Variants in CENPA observed in about 807,000 individuals in gnomAD.
CENPA encodes histone H3-like centromeric protein A.
CENPA carries 7 observed loss-of-function variants against 17.2 expected under a neutral mutation model. That is an observed-to-expected ratio of 0.41 (90% CI 0.23 to 0.76). The LOEUF (loss-of-function observed/expected upper bound fraction) is 0.76. Ranked by LOEUF, CENPA falls within the 30% of genes least tolerant of loss-of-function variation. CENPA has a pLI of 0.34. For missense variants in CENPA, 149 were observed against 193.1 expected (o/e 0.77, Z 1.35); for synonymous variants, 82 against 77.4 (o/e 1.06, Z -0.31).
At position 26,786,218 on chromosome 2, in the gene CENPA, C is replaced by T. The variant is rs1250183929; in HGVS notation, c.22C>T (p.Arg8Ter). ...TGTCATGGGCCCGCGCCGCCGGAGC[C>T]GAAAGCCCGAGGCCCCGAGGAGGCG... MGPRRRS[R>*]KPEAPRRRSP... Residue 8 changes from arginine to a stop codon, truncating the protein, a stop_gained, in exon 1 of 5, where the codon CGA becomes TGA. Coordinates refer to ENST00000335756, the MANE Select transcript of CENPA (RefSeq NM_001809.4). LOFTEE classifies it high-confidence loss of function. The T allele has an allele frequency of 1.4e-6, 2 of 1,438,862 alleles. No homozygotes were observed. Among genetic ancestry groups the T allele is most frequent in the Admixed American group, 2.8e-5 (1 of 36,204 alleles). The allele number at this position is 1,438,862 out of a possible 1,614,324, so 89.1% of individuals were successfully genotyped here.
chr2:26,792,166 G>A lies in CENPA; in HGVS notation c.136G>A (p.Gly46Ser). 23 of 1,614,040 alleles carry A rather than the reference G, an allele frequency of 1.4e-5. No individual in the cohort carries two copies. The highest frequency in any genetic ancestry group is 2.2e-5 in the South Asian group (2 of 91,038). Residue 46 changes from glycine (G) to serine (S), a missense_variant, in exon 2 of 5, where the codon GGT (glycine) becomes AGT (serine). By Grantham distance (56) the Gly-to-Ser change is moderately conservative. This residue lies in a region of CENPA where 95 missense variants were observed against 87.5 expected (regional missense o/e 1.09). Coordinates refer to ENST00000335756, the MANE Select transcript of CENPA (RefSeq NM_001809.4). ...CCATCAACACAGTCGGCGGAGACAA[G>A]GTTGGCTAAAGGAGATCCGAAAGCT... is the stretch of plus-strand genomic sequence containing the variant. Reference protein sequence around the residue: ...SSHQHSRRRQGWLKEIRKLQK... With the variant: ...SSHQHSRRRQSWLKEIRKLQK...
chr2:26,790,920 C>T (rs1038208784), intron 1 of CENPA, among the ~76,000 whole-genome samples: 3 of 152,312 alleles, frequency 2.0e-5, no homozygotes, highest in African/African-American at 4.8e-5. Context: ...TGCCTTCTAT[C>T]GAACTTGGTG....
chr2:26,787,672 T>G (rs1455986551), intron 1 of CENPA, among the ~76,000 whole-genome samples: 1 of 152,082 alleles, frequency 6.6e-6, no homozygotes. Flanking sequence ...TATGCCACCA[T>G]GCCGGCTAAT....
intron 1 of CENPA, among the ~76,000 whole-genome samples, chr2:26,790,339 T>C (rs1664592810): frequency 6.6e-6 from 1 of 152,152 alleles, no homozygotes; most frequent in Non-Finnish European, 1.5e-5. Context: ...TATATATTTT[T>C]GTTTGAGACA....
chr2:26,788,275 C>T (rs1205183823), intron 1 of CENPA, among the ~76,000 whole-genome samples: 1 of 152,164 alleles, frequency 6.6e-6, no homozygotes, highest in Admixed American at 6.5e-5. Context: ...CTTCACCCTC[C>T]TGAATAGCTA....
At chr2:26,789,444 TC>T (rs1375646591) in intron 1 of CENPA, among the ~76,000 whole-genome samples, 1 of 151,810 alleles carries the variant, frequency 6.6e-6, no homozygotes, top group Non-Finnish European at 1.5e-5. Flanking sequence ...TTCTACCCCC[TC>T]CCTAGGTGGT....
At chr2:26,793,070 A>C (rs1209856972) in intron 3 of CENPA, 75 bp from the exon 4 acceptor site, 1 of 1,572,408 alleles carries the variant, frequency 6.4e-7, no homozygotes, top group Admixed American at 1.7e-5. Flanking sequence ...TCAGAGATTA[A>C]GTTTAGCAGG....
At position 26,786,100 on chromosome 2, in the gene CENPA, G is replaced by T. The variant is rs1017991594; in HGVS notation, c.-97G>T. ...GCTCATGTGAGGCTCGCGGCACAGC[G>T]TTCTCTGGGCTCCCCAGAAGCCAGC... On this transcript the variant is annotated 5_prime_UTR_variant, in exon 1 of 5. Coordinates refer to ENST00000335756, the MANE Select transcript of CENPA (RefSeq NM_001809.4). 37 of 1,300,922 alleles carry T rather than the reference G, an allele frequency of 2.8e-5. No homozygotes were observed. Among genetic ancestry groups the T allele is most frequent in the Non-Finnish European group, 3.1e-5 (32 of 1,025,128 alleles). The allele number at this position is 1,300,922 out of a possible 1,614,324, so 80.6% of individuals were successfully genotyped here.
At chr2:26,791,212 C>G (rs1558298845) in intron 1 of CENPA, among the ~76,000 whole-genome samples, 1 of 152,074 alleles carries the variant, frequency 6.6e-6, no homozygotes, top group Non-Finnish European at 1.5e-5. Context: ...TTCTTGTTTT[C>G]TAATAGGAAC....
At chr2:26,789,667 G>GT (rs1210174242) in intron 1 of CENPA, among the ~76,000 whole-genome samples, 1 of 152,032 alleles carries the variant, frequency 6.6e-6, no homozygotes, top group African/African-American at 2.4e-5. Context: ...TTCAGTAAAT[G>GT]GCACAACTAC....
chr2:26,792,309 G>C (rs1354394394), intron 2 of CENPA, 69 bp downstream of exon 2: 1 of 1,209,546 alleles, frequency 8.3e-7, no homozygotes, highest in Admixed American at 2.1e-5. Flanking sequence ...CAGGTATTAG[G>C]GACCCTACTG....
chr2:26,788,746 G>A (rs1664560930), intron 1 of CENPA, among the ~76,000 whole-genome samples: 1 of 152,196 alleles, frequency 6.6e-6, no homozygotes, highest in African/African-American at 2.4e-5. Context: ...CGTGATCTCG[G>A]CTTACCGCAA....
chr2:26,794,334 G>A lies in CENPA; in HGVS notation c.*570G>A, dbSNP rs753592561. ...ACTGAGTGGACTGTGCTTGTCAACGGATGTGTAGCTTTTCAGAAACTTAAT... is the reference window on the plus strand; with the variant it reads ...ACTGAGTGGACTGTGCTTGTCAACGAATGTGTAGCTTTTCAGAAACTTAAT... On this transcript the variant is annotated 3_prime_UTR_variant, in exon 5 of 5. Transcript: ENST00000335756. 6.6e-6 allele frequency: 1 copy of A among 152,228 alleles called. No individual in the cohort carries two copies. Among genetic ancestry groups the A allele is most frequent in the Non-Finnish European group, 1.5e-5 (1 of 68,042 alleles). 9.4% of individuals were successfully genotyped at this position (152,228 alleles called of 1,614,324 possible).
intron 4 of CENPA, 78 bp downstream of exon 4, chr2:26,793,404 A>G (rs1039446598): frequency 2.9e-5 from 37 of 1,280,796 alleles, no homozygotes; most frequent in Non-Finnish European, 4.0e-5. Context: ...GTCCCTTGTC[A>G]CCTCGCCTTC....
chr2:26,786,877 C>T (rs905447804), intron 1 of CENPA, among the ~76,000 whole-genome samples: 1 of 152,100 alleles, frequency 6.6e-6, no homozygotes, highest in Non-Finnish European at 1.5e-5. Flanking sequence ...ACTCTGTTGC[C>T]TTCCAGAGCT....
intron 1 of CENPA, among the ~76,000 whole-genome samples, chr2:26,787,302 G>A (rs60450905): frequency 0.012 from 1,760 of 152,184 alleles, 40 homozygotes; most frequent in African/African-American, 0.04. Context: ...GGCAAGCTCC[G>A]CCTCCTGGGT....
Position 26,786,445 on chromosome 2 carries a change from C to T in CENPA, c.100+149C>T, listed in dbSNP as rs1572639363. 23 of 1,137,604 alleles carry T rather than the reference C, an allele frequency of 2.0e-5. No homozygotes were observed. In the East Asian group the frequency reaches 7.2e-4, roughly 35 times the overall value. The allele number at this position is 1,137,604 out of a possible 1,614,324, so 70.5% of individuals were successfully genotyped here. A position where few individuals can be genotyped will look rare whatever the true frequency, so the allele number is the denominator to read the frequency against. ...CATCCGCTCCGGGCACGGGCGGTGCCAGCCCTGCGAGGGGCTGGAGCAGGC... is the reference window on the plus strand; with the variant it reads ...CATCCGCTCCGGGCACGGGCGGTGCTAGCCCTGCGAGGGGCTGGAGCAGGC... On this transcript the variant is annotated intron_variant, in intron 1 of 4. Transcript: ENST00000335756.
chr2:26,787,232 T>A (rs540097120), intron 1 of CENPA, among the ~76,000 whole-genome samples: 4 of 152,148 alleles, frequency 2.6e-5, no homozygotes, highest in Non-Finnish European at 5.9e-5. Flanking sequence ...TGTTTTGTTT[T>A]GGAGACGGAG....
intron 1 of CENPA, among the ~76,000 whole-genome samples, chr2:26,790,627 TATGTCTGTTTATTA>T (rs1664598136): frequency 6.6e-6 from 1 of 152,176 alleles, no homozygotes; most frequent in Non-Finnish European, 1.5e-5. Flanking sequence ...CACCCAGCCC[TATGTCTGTTTATTA>T]AAGACTGCCT....
Sources: gnomAD v4.1 joint callset for allele counts (sites outside exome capture counted in the v4.1 genomes callset) on GRCh38, gnomAD v4.1.1 for gene constraint, gnomAD v4.1.1 regional missense constraint, MANE v1.5 for transcripts, NCBI Gene and HGNC (gene_info 2026-07-23, HGNC 2026-07-21) for gene names.